Variants in BCKDHB observed in about 807,000 individuals in gnomAD.
The protein encoded by BCKDHB is 2-oxoisovalerate dehydrogenase subunit beta, mitochondrial.
BCKDHB carries 41 observed loss-of-function variants against 48.5 expected under a neutral mutation model. The observed-to-expected ratio is 0.85, with a 90% CI of 0.66 to 1.10. BCKDHB has a LOEUF of 1.10. Ranked by LOEUF, BCKDHB falls within the 50% of genes least tolerant of loss-of-function variation. BCKDHB has a pLI of 0.00. For synonymous variants in BCKDHB, 201 were observed against 174.8 expected (o/e 1.15, Z -1.18); for missense variants, 496 against 494.2 (o/e 1.00, Z -0.03).
intron 9 of BCKDHB, among the ~76,000 whole-genome samples, chr6:80,292,776 A>G (rs147964844): frequency 9.8e-4 from 149 of 152,346 alleles, no homozygotes; most frequent in Non-Finnish European, 1.8e-3. Flanking sequence ...AAAGCAAGTT[A>G]GTTACTTCCT....
intron 9 of BCKDHB, among the ~76,000 whole-genome samples, chr6:80,341,092 A>T (rs1434563426): frequency 6.6e-6 from 1 of 152,190 alleles, no homozygotes; most frequent in Non-Finnish European, 1.5e-5. Flanking sequence ...GTTAGCATAT[A>T]TTCTTAAAAA....
At chr6:80,243,939 A>AT (rs1186461953) in intron 8 of BCKDHB, among the ~76,000 whole-genome samples, 1 of 152,238 alleles carries the variant, frequency 6.6e-6, no homozygotes, top group African/African-American at 2.4e-5. Flanking sequence ...TCAATAAATA[A>AT]TTTATCTAAA....
chr6:80,163,823 C>G (rs1772440549), intron 3 of BCKDHB, among the ~76,000 whole-genome samples: 1 of 152,124 alleles, frequency 6.6e-6, no homozygotes, highest in Admixed American at 6.5e-5. Flanking sequence ...TTCAGGTTAC[C>G]CAGGCCAAAA....
At chr6:80,394,921 T>A in the BCKDHB span, among the ~76,000 whole-genome samples, 1 of 152,268 alleles carries the variant, frequency 6.6e-6, no homozygotes, top group East Asian at 1.9e-4. Flanking sequence ...GGTGATCTGA[T>A]GGTTTTATAA....
At chr6:80,230,964 A>G (rs1019755630) in intron 8 of BCKDHB, among the ~76,000 whole-genome samples, 1 of 152,240 alleles carries the variant, frequency 6.6e-6, no homozygotes, top group Non-Finnish European at 1.5e-5. Context: ...ACTCCAGAGG[A>G]CACATTCAAA....
intron 9 of BCKDHB, among the ~76,000 whole-genome samples, chr6:80,290,113 C>A (rs560709589): frequency 6.6e-6 from 1 of 152,348 alleles, no homozygotes; most frequent in East Asian, 1.9e-4. Flanking sequence ...CCCAGTACAG[C>A]TGGAATGCCA....
At chr6:80,371,933 CT>C in the BCKDHB span, among the ~76,000 whole-genome samples, 1 of 151,956 alleles carries the variant, frequency 6.6e-6, no homozygotes. Context: ...CAAATTTGTT[CT>C]TTTTGCTTCA....
At chr6:80,272,919 G>T (rs2127964687) in intron 8 of BCKDHB, among the ~76,000 whole-genome samples, 1 of 151,596 alleles carries the variant, frequency 6.6e-6, no homozygotes, top group Non-Finnish European at 1.5e-5. Flanking sequence ...TTTTCTACTG[G>T]GATTACAAAC....
chr6:80,406,719 T>C, the BCKDHB span, among the ~76,000 whole-genome samples: 1 of 152,226 alleles, frequency 6.6e-6, no homozygotes, highest in Non-Finnish European at 1.5e-5. Context: ...TTTTTTCTTG[T>C]AAATTTGTTT....
intron 9 of BCKDHB, among the ~76,000 whole-genome samples, chr6:80,275,588 T>G (rs538348551): frequency 6.6e-6 from 1 of 152,164 alleles, no homozygotes; most frequent in South Asian, 2.1e-4. Context: ...TTAGTAAAAT[T>G]TAGTGAGCAT....
intron 6 of BCKDHB, among the ~76,000 whole-genome samples, chr6:80,193,166 A>C (rs905116273): frequency 1.4e-4 from 22 of 152,132 alleles, no homozygotes; most frequent in Non-Finnish European, 2.8e-4. Context: ...TTATCTCATT[A>C]TGCAAAAGAA....
chr6:80,166,754 A>G (rs544194409), intron 3 of BCKDHB, among the ~76,000 whole-genome samples: 1 of 152,134 alleles, frequency 6.6e-6, no homozygotes, highest in African/African-American at 2.4e-5. Context: ...TGTAATTTTC[A>G]TCTTTTAAAA....
At chr6:80,298,155 C>T (rs918450764) in intron 9 of BCKDHB, among the ~76,000 whole-genome samples, 1 of 152,130 alleles carries the variant, frequency 6.6e-6, no homozygotes, top group African/African-American at 2.4e-5. Context: ...CTCTGTCACC[C>T]TGGCTGGAGT....
intron 3 of BCKDHB, 105 bp from the exon 4 acceptor site, chr6:80,167,573 T>C (rs1772637996): frequency 4.1e-6 from 5 of 1,209,142 alleles, no homozygotes; most frequent in Non-Finnish European, 4.8e-6. Context: ...CTCTACCTGT[T>C]CTATACTTCT....
At chr6:80,122,288 A>T (rs1299836120) in intron 1 of BCKDHB, among the ~76,000 whole-genome samples, 1 of 152,232 alleles carries the variant, frequency 6.6e-6, no homozygotes, top group African/African-American at 2.4e-5. Flanking sequence ...ATTGATGTTC[A>T]TCAGGGATAT....
rs550895470 is a variant in BCKDHB at position 80,343,016 on chromosome 6, T to C, written c.1039-648T>C. On this transcript the variant is annotated intron_variant, in intron 9 of 9. Coordinates refer to ENST00000320393, the MANE Select transcript of BCKDHB (RefSeq NM_183050.4). Reference sequence around the variant, plus strand: ...GCACAAGCCCCTTCCTCATCTGCCCTGTAGGGCTGGGGAGGTGCTGTCAAG... The same window carrying C: ...GCACAAGCCCCTTCCTCATCTGCCCCGTAGGGCTGGGGAGGTGCTGTCAAG... 1.5e-3 allele frequency among the ~76,000 whole-genome samples: 221 copies of C among 152,256 alleles called. 1 individual carries two copies. Among genetic ancestry groups the C allele is most frequent in the African/African-American group, 5.0e-3 (207 of 41,546 alleles).
intron 8 of BCKDHB, among the ~76,000 whole-genome samples, chr6:80,236,577 T>G (rs1053471549): frequency 2.6e-5 from 4 of 152,228 alleles, no homozygotes; most frequent in African/African-American, 7.2e-5. Flanking sequence ...ATGTTTAACA[T>G]ATATTTACTC....
intron 3 of BCKDHB, among the ~76,000 whole-genome samples, chr6:80,133,725 C>T (rs1770744843): frequency 6.6e-6 from 1 of 152,050 alleles, no homozygotes; most frequent in South Asian, 2.1e-4. Flanking sequence ...TCACTGTAAC[C>T]TCTCTCTCCC....
At chr6:80,219,095 C>A (rs765221838) in intron 8 of BCKDHB, among the ~76,000 whole-genome samples, 76 of 151,920 alleles carry the variant, frequency 5.0e-4, no homozygotes, top group Middle Eastern at 3.4e-3. Flanking sequence ...TCTTTTAGAT[C>A]CTTTTGGATT....
Sources: allele counts gnomAD v4.1 joint callset (sites outside exome capture counted in the v4.1 genomes callset), GRCh38; gene constraint gnomAD v4.1.1; transcripts MANE v1.5; gene names NCBI Gene and HGNC (gene_info 2026-07-23, HGNC 2026-07-21).